Variants in EPHB1 observed in about 807,000 individuals in gnomAD.
EPHB1 encodes ephrin type-B receptor 1.
EPHB1 carries 30 observed loss-of-function variants against 94.4 expected under a neutral mutation model. That is an observed-to-expected ratio of 0.32 (90% confidence interval 0.24 to 0.43). EPHB1 has a LOEUF of 0.43. Ranked by LOEUF, EPHB1 falls within the 20% of genes least tolerant of loss-of-function variation. The pLI is 1.00. For synonymous variants in EPHB1, 522 were observed against 489.1 expected, an observed-to-expected ratio of 1.07 and a Z score of -0.89; for missense variants, 1,055 against 1,308.3, an observed-to-expected ratio of 0.81 and a Z score of 2.99.
At chr3:135,173,108 C>A (rs1476623380) in intron 9 of EPHB1, among the ~76,000 whole-genome samples, 1 of 149,938 alleles carries the variant, frequency 6.7e-6, no homozygotes, top group East Asian at 2.0e-4. Flanking sequence ...GATCTCAGCT[C>A]ACTGCAAGCT....
chr3:135,204,120 T>C, intron 12 of EPHB1, among the ~76,000 whole-genome samples: 1 of 152,080 alleles, frequency 6.6e-6, no homozygotes, highest in East Asian at 1.9e-4. Flanking sequence ...GAAAATGGGG[T>C]ATTCATTCTC....
At chr3:135,239,529 C>T (rs1416185464) in intron 12 of EPHB1, among the ~76,000 whole-genome samples, 1 of 152,030 alleles carries the variant, frequency 6.6e-6, no homozygotes, top group Admixed American at 6.6e-5. Context: ...AGAGACAGAG[C>T]CTAAGCATGG....
At chr3:135,125,422 T>A (rs999829549) in intron 4 of EPHB1, among the ~76,000 whole-genome samples, 1 of 152,162 alleles carries the variant, frequency 6.6e-6, no homozygotes, top group African/African-American at 2.4e-5. Context: ...CTGCAAAATA[T>A]CACAGCCCTT....
chr3:135,177,950 G>A (rs1159911253), intron 9 of EPHB1, among the ~76,000 whole-genome samples: 14 of 152,126 alleles, frequency 9.2e-5, no homozygotes, highest in Admixed American at 9.2e-4. Flanking sequence ...ATCCATCCTG[G>A]GGACTAGAAT....
intron 1 of EPHB1, among the ~76,000 whole-genome samples, chr3:134,899,626 C>T (rs996817160): frequency 1.3e-5 from 2 of 152,166 alleles, no homozygotes; most frequent in African/African-American, 4.8e-5. Context: ...ACTCAAAACA[C>T]ACTCTTAGAC....
intron 1 of EPHB1, among the ~76,000 whole-genome samples, chr3:134,915,727 G>A (rs900794032): frequency 1.6e-4 from 24 of 152,040 alleles, no homozygotes; most frequent in Admixed American, 3.9e-4. Context: ...TTAAGGCGGC[G>A]CGTCCGGAGT....
chr3:134,906,054 A>T (rs2038317736), intron 1 of EPHB1, among the ~76,000 whole-genome samples: 1 of 152,196 alleles, frequency 6.6e-6, no homozygotes, highest in African/African-American at 2.4e-5. Context: ...TCCCATGGTG[A>T]TGCGATCCCA....
intron 3 of EPHB1, among the ~76,000 whole-genome samples, chr3:135,025,970 T>C (rs1209835510): frequency 2.2e-3 from 153 of 69,566 alleles, no homozygotes; most frequent in African/African-American, 6.0e-3. Flanking sequence ...CCAGTGATGA[T>C]GAGCATTTTT....
At chr3:135,217,476 GGAGAGA>G (rs141040790) in intron 12 of EPHB1, among the ~76,000 whole-genome samples, 5 of 146,712 alleles carry the variant, frequency 3.4e-5, no homozygotes, top group Admixed American at 2.7e-4. Context: ...ACGCACACGG[GGAGAGA>G]GAGAGAGAGA....
At chr3:134,872,613 A>G (rs971168205) in intron 1 of EPHB1, among the ~76,000 whole-genome samples, 2 of 152,214 alleles carry the variant, frequency 1.3e-5, no homozygotes, top group African/African-American at 4.8e-5. Context: ...AACTAACAAT[A>G]TCGTGGACAG....
At chr3:135,024,929 A>G (rs1559799195) in intron 3 of EPHB1, among the ~76,000 whole-genome samples, 1 of 151,852 alleles carries the variant, frequency 6.6e-6, no homozygotes, top group African/African-American at 2.4e-5. Flanking sequence ...TATTTTGCTA[A>G]TATCTATTAC....
intron 1 of EPHB1, among the ~76,000 whole-genome samples, chr3:134,872,489 T>C (rs1257828328): frequency 6.6e-6 from 1 of 152,246 alleles, no homozygotes; most frequent in African/African-American, 2.4e-5. Context: ...AAGACATGGC[T>C]ATTTCACATG....
At chr3:135,129,200 TG>T (rs1302241585) in intron 4 of EPHB1, among the ~76,000 whole-genome samples, 1 of 59,944 alleles carries the variant, frequency 1.7e-5, no homozygotes, top group Non-Finnish European at 3.4e-5. Flanking sequence ...TCCCCTGGAA[TG>T]GGGGGTGGGG....
At chr3:135,235,348 C>A (rs1943626936) in intron 12 of EPHB1, among the ~76,000 whole-genome samples, 1 of 152,204 alleles carries the variant, frequency 6.6e-6, no homozygotes, top group Non-Finnish European at 1.5e-5. Context: ...GAGAACCACA[C>A]TGGGAATTTG....
At chr3:135,188,810 A>C (rs2107708454) in intron 10 of EPHB1, among the ~76,000 whole-genome samples, 1 of 152,322 alleles carries the variant, frequency 6.6e-6, no homozygotes, top group South Asian at 2.1e-4. Flanking sequence ...TGAGGATTAG[A>C]TATTAAGTGG....
intron 1 of EPHB1, among the ~76,000 whole-genome samples, chr3:134,851,725 G>T (rs2036988085): frequency 6.6e-6 from 1 of 152,296 alleles, no homozygotes; most frequent in African/African-American, 2.4e-5. Flanking sequence ...TTGTTCACAT[G>T]TTGTCTTGTA....
intron 1 of EPHB1, among the ~76,000 whole-genome samples, chr3:134,882,066 GA>G (rs1214380837): frequency 6.6e-6 from 1 of 152,122 alleles, no homozygotes; most frequent in Non-Finnish European, 1.5e-5. Flanking sequence ...CTAATTTCAG[GA>G]AAAAAGATGG....
intron 3 of EPHB1, among the ~76,000 whole-genome samples, chr3:135,020,270 T>C (rs1935943561): frequency 6.6e-6 from 1 of 152,254 alleles, no homozygotes; most frequent in Non-Finnish European, 1.5e-5. Context: ...TGAGATATAA[T>C]TCACATACCA....
chr3:134,803,768 G>A (rs2035978865), intron 1 of EPHB1, among the ~76,000 whole-genome samples: 1 of 152,212 alleles, frequency 6.6e-6, no homozygotes, highest in Admixed American at 6.5e-5. Context: ...CTGGGCCTCT[G>A]TCTCCCAGTT....
Sources: allele counts gnomAD v4.1 joint callset (sites outside exome capture counted in the v4.1 genomes callset), GRCh38; gene constraint gnomAD v4.1.1; transcripts MANE v1.5; gene names NCBI Gene and HGNC (gene_info 2026-07-23, HGNC 2026-07-21).